GIPC2: variants seen among roughly 807,000 people sequenced by gnomAD.
GIPC2 encodes PDZ domain-containing protein GIPC2.
A neutral mutation model predicts 30.6 loss-of-function variants in GIPC2; 30 were observed. The ratio of observed to expected loss-of-function variants is 0.98; its 90% confidence interval spans 0.73 to 1.33. GIPC2 has a LOEUF of 1.33. GIPC2 is among the 40% of genes most tolerant of loss of function. The pLI is 0.00. For missense variants in GIPC2, 414 were observed against 390.3 expected (o/e 1.06, Z -0.51); for synonymous variants, 167 against 150.0 (o/e 1.11, Z -0.83).
intron 5 of GIPC2, among the ~76,000 whole-genome samples, chr1:78,132,665 ATGTGTG>A (rs61463492): frequency 7.0e-5 from 10 of 142,606 alleles, no homozygotes; most frequent in African/African-American, 1.0e-4. Context: ...ATAGCCAAGG[ATGTGTG>A]TGTGTGTGTG....
At chr1:78,081,005 A>C in intron 2 of GIPC2, 145 bp downstream of exon 2, 2 of 497,256 alleles carry the variant, frequency 4.0e-6, no homozygotes, top group Non-Finnish European at 7.1e-6. Flanking sequence ...CTTTCATTTT[A>C]AAAATGTTCA....
In GIPC2 at chr1:78,046,058, G is replaced by A. The variant is rs553866901; in HGVS notation, c.-37G>A. 1.4e-6 allele frequency: 2 copies of A among 1,401,834 alleles called. No individual in the cohort carries two copies. Among genetic ancestry groups the A allele is most frequent in the South Asian group, 1.6e-5 (1 of 62,342 alleles). 86.8% of individuals were successfully genotyped at this position (1,401,834 alleles called of 1,614,324 possible). A position where few individuals can be genotyped will look rare whatever the true frequency, so the allele number is the denominator to read the frequency against. Reference sequence around the variant, plus strand: ...GCGCCGGGGGGAGGAGGCGGCGGACGGCAGCGCAGGTGGGCCCGCGCTCTC... The same window carrying A: ...GCGCCGGGGGGAGGAGGCGGCGGACAGCAGCGCAGGTGGGCCCGCGCTCTC... On this transcript the variant is annotated 5_prime_UTR_variant, in exon 1 of 6. Coordinates refer to ENST00000370759, the MANE Select transcript of GIPC2 (RefSeq NM_017655.6).
At chr1:78,127,534 C>G (rs948948768) in intron 5 of GIPC2, among the ~76,000 whole-genome samples, 1 of 152,234 alleles carries the variant, frequency 6.6e-6, no homozygotes, top group Non-Finnish European at 1.5e-5. Flanking sequence ...AGATAAACAA[C>G]TTAGTTTGGC....
chr1:78,099,322 A>G (rs1571507015), intron 3 of GIPC2, among the ~76,000 whole-genome samples: 1 of 152,126 alleles, frequency 6.6e-6, no homozygotes, highest in East Asian at 1.9e-4. Flanking sequence ...ATATGAAAAA[A>G]ATAAATAAAT....
chr1:78,125,919 TG>T lies in GIPC2; in HGVS notation c.754del (p.Asp252MetfsTer14). On this transcript the variant is annotated frameshift_variant, in exon 5 of 6. Coordinates refer to ENST00000370759, the MANE Select transcript of GIPC2 (RefSeq NM_017655.6). LOFTEE classifies it high-confidence loss of function. ...AAGCAAAGGCAATTGAAAAGATTGA[TG>T]ATGTTCTTGAGTTGTACATGGGAAT... is the stretch of plus-strand genomic sequence containing the variant. ...TKAKAIEKID[D>X]VLELYMGIRD... The T allele has an allele frequency of 3.1e-6, 5 of 1,591,558 alleles. No homozygotes were observed. Among genetic ancestry groups the T allele is most frequent in the Non-Finnish European group, 3.4e-6 (4 of 1,159,724 alleles).
At chr1:78,068,618 TGG>T (rs1661563565) in intron 1 of GIPC2, among the ~76,000 whole-genome samples, 1 of 152,202 alleles carries the variant, frequency 6.6e-6, no homozygotes, top group Non-Finnish European at 1.5e-5. Flanking sequence ...AGGGATAAAC[TGG>T]GACCTAGAGT....
chr1:78,125,090 G>A (rs1163250808), intron 4 of GIPC2, among the ~76,000 whole-genome samples: 2 of 152,162 alleles, frequency 1.3e-5, no homozygotes, highest in Admixed American at 1.3e-4. Context: ...GAGGGCAGTG[G>A]CAGAATTATG....
intron 3 of GIPC2, among the ~76,000 whole-genome samples, chr1:78,101,310 GC>G (rs1662245842): frequency 6.6e-6 from 1 of 152,150 alleles, no homozygotes; most frequent in African/African-American, 2.4e-5. Flanking sequence ...AGGAATAAAG[GC>G]CATTAGAAAA....
intron 1 of GIPC2, among the ~76,000 whole-genome samples, chr1:78,063,682 C>T (rs1047113049): frequency 2.6e-5 from 4 of 151,960 alleles, no homozygotes; most frequent in South Asian, 2.1e-4. Flanking sequence ...GTCAGGGGTT[C>T]GAAACCAGCC....
chr1:78,075,605 C>A (rs1661704196), intron 1 of GIPC2, among the ~76,000 whole-genome samples: 1 of 152,146 alleles, frequency 6.6e-6, no homozygotes, highest in Non-Finnish European at 1.5e-5. Flanking sequence ...GGTAGAAATT[C>A]CTAGACCACA....
intron 1 of GIPC2, among the ~76,000 whole-genome samples, chr1:78,058,510 T>A (rs7539956): frequency 0.26 from 39,718 of 152,032 alleles, 5,461 homozygotes; most frequent in East Asian, 0.51. Flanking sequence ...AAGGTGAAGA[T>A]GACATAGCCC....
intron 3 of GIPC2, among the ~76,000 whole-genome samples, chr1:78,118,793 C>T (rs651897): frequency 6.6e-6 from 1 of 151,982 alleles, no homozygotes; most frequent in Non-Finnish European, 1.5e-5. Context: ...TGCAAGACCT[C>T]GTTTTGAATC....
At position 78,097,875 on chromosome 1, in the gene GIPC2, C is replaced by A. The variant is rs1427589111; in HGVS notation, c.607+2743C>A. On this transcript the variant is annotated intron_variant, in intron 3 of 5. Transcript: ENST00000370759. Reference sequence around the variant, plus strand: ...TTTTCTGTTTTCATATCACTTCACTCAGGATTCAAATTCCTGGGAGAGGTG... The same window carrying A: ...TTTTCTGTTTTCATATCACTTCACTAAGGATTCAAATTCCTGGGAGAGGTG... 2.6e-5 allele frequency among the ~76,000 whole-genome samples: 4 copies of A among 152,294 alleles called. No individual in the cohort carries two copies. In the East Asian group the frequency reaches 7.7e-4, roughly 29 times the overall value.
intron 2 of GIPC2, 66 bp downstream of exon 2, chr1:78,080,926 A>G: frequency 1.1e-6 from 1 of 916,574 alleles, no homozygotes; most frequent in Non-Finnish European, 1.6e-6. Context: ...TACCAGGCCA[A>G]AGAAAGTTAG....
At chr1:78,085,195 T>G (rs1378382289) in intron 2 of GIPC2, among the ~76,000 whole-genome samples, 2 of 152,204 alleles carry the variant, frequency 1.3e-5, no homozygotes, top group African/African-American at 4.8e-5. Flanking sequence ...AATCATGTTG[T>G]TTTTGTCTTT....
intron 1 of GIPC2, among the ~76,000 whole-genome samples, chr1:78,054,572 C>T (rs1661253366): frequency 6.6e-6 from 1 of 152,136 alleles, no homozygotes; most frequent in Admixed American, 6.5e-5. Context: ...AAATAATATT[C>T]AGTTTAAATG....
intron 1 of GIPC2, among the ~76,000 whole-genome samples, chr1:78,067,193 G>A (rs1236695011): frequency 1.3e-5 from 2 of 152,126 alleles, no homozygotes; most frequent in African/African-American, 2.4e-5. Flanking sequence ...GAAGCATAGG[G>A]TTTGAGATCA....
intron 2 of GIPC2, chr1:78,091,600 G>C (rs1330227893): frequency 2.6e-6 from 2 of 764,160 alleles, no homozygotes; most frequent in Admixed American, 3.4e-5. Context: ...TCTTCTTCGG[G>C]AATGCGTTCG....
In GIPC2 at chr1:78,119,413, G is replaced by C; in HGVS notation, c.628G>C (p.Ala210Pro). ...TGTAGAAATAGAGCTGAGGTCAAAG[G>C]CTGGAAAGTCATCAGGAGAAAAAAT... The part of the protein sequence containing the change: ...KAFEIELRSK[A>P]GKSSGEKIGC... Residue 210 changes from alanine (A) to proline (P), a missense_variant, in exon 4 of 6, where the codon GCT becomes CCT. Transcript: ENST00000370759. 1.2e-6 allele frequency: 2 copies of C among 1,608,120 alleles called. No individual in the cohort carries two copies. The highest frequency in any genetic ancestry group is 1.7e-6 in the Non-Finnish European group (2 of 1,174,722).
Sources: gnomAD v4.1 joint callset for allele counts (sites outside exome capture counted in the v4.1 genomes callset) on GRCh38, gnomAD v4.1.1 for gene constraint, MANE v1.5 for transcripts, NCBI Gene and HGNC (gene_info 2026-07-23, HGNC 2026-07-21) for gene names.